ZNF483: variants seen among roughly 807,000 people sequenced by gnomAD.
ZNF483 encodes zinc finger protein 483.
Under a neutral mutation model 28.6 loss-of-function variants are expected in ZNF483, and 9 were observed. The ratio of observed to expected loss-of-function variants is 0.32; its 90% CI spans 0.19 to 0.55. ZNF483 has a LOEUF of 0.55. Among genes scored for constraint, ZNF483 ranks in the 20% least tolerant of loss-of-function variants. The pLI, the probability that ZNF483 is intolerant of heterozygous loss-of-function variation, is 0.93. For missense variants in ZNF483, 675 were observed against 871.7 expected (o/e 0.77, Z 2.84); for synonymous variants, 322 against 306.2 (o/e 1.05, Z -0.54).
intron 5 of ZNF483, among the ~76,000 whole-genome samples, chr9:111,534,986 G>C (rs1288605620): frequency 6.6e-6 from 1 of 151,984 alleles, no homozygotes; most frequent in African/African-American, 2.4e-5. Context: ...GCCTCCCAAA[G>C]TGCTGGGATT....
Position 111,547,571 on chromosome 9 carries a change from A to G in ZNF483, c.*4401A>G, listed in dbSNP as rs537493196. Among the ~76,000 whole-genome samples, 57 of 152,266 alleles carry G rather than the reference A, an allele frequency of 3.7e-4. No homozygotes were observed. The highest frequency in any genetic ancestry group is 3.4e-3 in the Middle Eastern group (1 of 294). ...GAACTTTTCAGATAAATGATTTGCAAATACTTTCTTCCATTCTGTGTGGGT... is the reference window on the plus strand; with the variant it reads ...GAACTTTTCAGATAAATGATTTGCAGATACTTTCTTCCATTCTGTGTGGGT... On this transcript the variant is annotated 3_prime_UTR_variant, in exon 6 of 6. Transcript: ENST00000309235.
At chr9:111,528,105 A>T in intron 2 of ZNF483, 1 of 1,254,664 alleles carries the variant, frequency 8.0e-7, no homozygotes, top group South Asian at 1.7e-5. Flanking sequence ...TTTCTTTCCC[A>T]TCCCCTTCAA....
chr9:111,545,043 T>C lies in ZNF483; in HGVS notation c.*1873T>C, dbSNP rs1261244967. On this transcript the variant is annotated 3_prime_UTR_variant, in exon 6 of 6. Transcript: ENST00000309235. ...ATTTACTGTGACTAATGTATGTAGG[T>C]GTGAAATGCTACCTCTGGGAGAAGG... is the stretch of plus-strand genomic sequence containing the variant. Among the ~76,000 whole-genome samples, 1 of 152,174 alleles carries C rather than the reference T, an allele frequency of 6.6e-6. No homozygotes were observed. The highest frequency in any genetic ancestry group is 2.4e-5 in the African/African-American group (1 of 41,434).
intron 5 of ZNF483, among the ~76,000 whole-genome samples, chr9:111,564,979 C>T (rs910142353): frequency 1.3e-5 from 2 of 151,916 alleles, no homozygotes; most frequent in Admixed American, 1.3e-4. Context: ...CGAAAATTAG[C>T]CAGGCGTGGT....
intron 5 of ZNF483, among the ~76,000 whole-genome samples, chr9:111,537,184 G>C (rs898647784): frequency 6.6e-6 from 1 of 151,788 alleles, no homozygotes; most frequent in Non-Finnish European, 1.5e-5. Flanking sequence ...CAATTTCCTG[G>C]AGACATAAAC....
chr9:111,576,288 A>G lies in ZNF483; in HGVS notation c.722-77A>G. On this transcript the variant is annotated intron_variant, in intron 5 of 5. Coordinates refer to the ZNF483 transcript ENST00000358151. ...CATTATTAGTGGATTTCATATTTGC[A>G]TATTGTAAACTACTTGCTAAAATTT... is the stretch of plus-strand genomic sequence containing the variant. 5 of 1,466,450 alleles carry G rather than the reference A, an allele frequency of 3.4e-6. No individual in the cohort carries two copies. In the African/African-American group the frequency reaches 4.2e-5, roughly 12 times the overall value. 90.8% of individuals were successfully genotyped at this position (1,466,450 alleles called of 1,614,324 possible).
rs1827935248 is a variant in ZNF483 at position 111,551,303 on chromosome 9, A to G, written c.*8133A>G. On this transcript the variant is annotated 3_prime_UTR_variant, in exon 6 of 6. Transcript: ENST00000309235. The stretch of plus-strand genomic sequence containing the variant: ...TCACATTTAGATTTATAAAACGTAG[A>G]GTTGATAAGTAGATTCACATAGTTC... Among the ~76,000 whole-genome samples the G allele has an allele frequency of 6.6e-6, 1 of 151,478 alleles. No individual in the cohort carries two copies. Among genetic ancestry groups the G allele is most frequent in the Non-Finnish European group, 1.5e-5 (1 of 67,844 alleles).
intron 3 of ZNF483, among the ~76,000 whole-genome samples, chr9:111,531,453 T>C (rs988331115): frequency 6.6e-6 from 1 of 152,096 alleles, no homozygotes; most frequent in Admixed American, 6.6e-5. Flanking sequence ...CTCGGCTCAC[T>C]GCAGCCTCTG....
intron 5 of ZNF483, among the ~76,000 whole-genome samples, chr9:111,567,194 T>A (rs1828601947): frequency 6.6e-6 from 1 of 152,124 alleles, no homozygotes; most frequent in Admixed American, 6.6e-5. Flanking sequence ...TGGAAGGCAC[T>A]TTTTGTTTTT....
At chr9:111,566,993 G>A (rs1013761760) in intron 5 of ZNF483, among the ~76,000 whole-genome samples, 5 of 151,852 alleles carry the variant, frequency 3.3e-5, no homozygotes, top group Admixed American at 1.3e-4. Context: ...GGAGGTTGAG[G>A]TGGGAGAATC....
chr9:111,543,350 T>C lies in ZNF483; in HGVS notation c.*180T>C. 7.3e-7 allele frequency: 1 copy of C among 1,369,256 alleles called. No individual in the cohort carries two copies. Among genetic ancestry groups the C allele is most frequent in the South Asian group, 1.9e-5 (1 of 52,268 alleles). 84.8% of individuals were successfully genotyped at this position (1,369,256 alleles called of 1,614,324 possible). ...AAGGATGGCAACGACTGGTAAACAGTAATTAGTTGGTAAAGTCACTGGAAA... is the reference window on the plus strand; with the variant it reads ...AAGGATGGCAACGACTGGTAAACAGCAATTAGTTGGTAAAGTCACTGGAAA... On this transcript the variant is annotated 3_prime_UTR_variant, in exon 6 of 6. Transcript: ENST00000309235.
In ZNF483 at chr9:111,550,200, C is replaced by T. The variant is rs914644692; in HGVS notation, c.*7030C>T. Among the ~76,000 whole-genome samples, 15 of 152,144 alleles carry T rather than the reference C, an allele frequency of 9.9e-5. No individual in the cohort carries two copies. Among genetic ancestry groups the T allele is most frequent in the African/African-American group, 3.1e-4 (13 of 41,426 alleles). Reference sequence around the variant, plus strand: ...GTTTTTCCCTGGGCGGGAGCAATGGCTTTCTGAATTCACCTAGATACACAG... The same window carrying T: ...GTTTTTCCCTGGGCGGGAGCAATGGTTTTCTGAATTCACCTAGATACACAG... On this transcript the variant is annotated 3_prime_UTR_variant, in exon 6 of 6. Coordinates refer to ENST00000309235, the MANE Select transcript of ZNF483 (RefSeq NM_133464.5).
At chr9:111,540,087 A>G (rs2132252392) in intron 5 of ZNF483, among the ~76,000 whole-genome samples, 1 of 152,314 alleles carries the variant, frequency 6.6e-6, no homozygotes, top group South Asian at 2.1e-4. Flanking sequence ...AGCTGTGATC[A>G]TGCCACTGCA....
chr9:111,560,823 A>G (rs1351798172), intron 5 of ZNF483, among the ~76,000 whole-genome samples: 2 of 146,502 alleles, frequency 1.4e-5, no homozygotes, highest in Non-Finnish European at 3.0e-5. Context: ...CATGCCTGTA[A>G]TCCCAGCTAC....
chr9:111,551,400 G>GTTTTT lies in ZNF483; in HGVS notation c.*8251_*8255dup, dbSNP rs58638722. Among the ~76,000 whole-genome samples the GTTTTT allele has an allele frequency of 0.012, 901 of 74,252 alleles. 1 individual carries two copies. The highest frequency in any genetic ancestry group is 0.017 in the Non-Finnish European group (681 of 39,808). The allele number at this position is 74,252 out of a possible 152,430, so 48.7% of individuals were successfully genotyped here. On this transcript the variant is annotated 3_prime_UTR_variant, in exon 6 of 6. Transcript: ENST00000309235. ...TAACTGAATCAAGTATCCAGTTTTT[G>GTTTTT]TTTTTTTTTTTTTTTTTTTTTTTTT...
At chr9:111,557,212 A>G (rs2132298479), downstream of ZNF483, among the ~76,000 whole-genome samples, 1 of 152,054 alleles carries the variant, frequency 6.6e-6, no homozygotes, top group Non-Finnish European at 1.5e-5. Flanking sequence ...CATCTCTACT[A>G]AAAATCCAAA....
rs2132272070 is a variant in ZNF483 at position 111,548,340 on chromosome 9, G to T, written c.*5170G>T. Among the ~76,000 whole-genome samples, 1 of 152,204 alleles carries T rather than the reference G, an allele frequency of 6.6e-6. No homozygotes were observed. The highest frequency in any genetic ancestry group is 2.1e-4 in the South Asian group (1 of 4,818). ...ATTTTTTCAGCAATGTGTTACAGTT[G>T]TCATTGTACAAGTCTTTTGCCTCCT... On this transcript the variant is annotated 3_prime_UTR_variant, in exon 6 of 6. Coordinates refer to ENST00000309235, the MANE Select transcript of ZNF483 (RefSeq NM_133464.5).
At chr9:111,535,072 C>CAT (rs1827456426) in intron 5 of ZNF483, among the ~76,000 whole-genome samples, 1 of 152,138 alleles carries the variant, frequency 6.6e-6, no homozygotes, top group African/African-American at 2.4e-5. Context: ...GAGTCCTTGC[C>CAT]ATAGTTACCT....
At chr9:111,576,692 C>G (rs1206444961) in exon 6 of ZNF483, 2 of 317,810 alleles carry the variant, frequency 6.3e-6, no homozygotes, top group African/African-American at 2.1e-5. Context: ...ACATATTTCC[C>G]CTAGAAGCAA....
Sources: allele counts gnomAD v4.1 joint callset (sites outside exome capture counted in the v4.1 genomes callset), GRCh38; gene constraint gnomAD v4.1.1; transcripts MANE v1.5; gene names NCBI Gene and HGNC (gene_info 2026-07-23, HGNC 2026-07-21).